ATP6V0D1: variants seen among roughly 807,000 people sequenced by gnomAD.
ATP6V0D1 encodes V-type proton ATPase subunit d 1.
A neutral mutation model predicts 39.0 loss-of-function variants in ATP6V0D1; 13 were observed. The ratio of observed to expected loss-of-function variants is 0.33; its 90% confidence interval spans 0.22 to 0.53. The LOEUF (loss-of-function observed/expected upper bound fraction) is 0.53, where lower values mean the gene tolerates loss of function less well. Ranked by LOEUF, ATP6V0D1 falls within the 20% of genes least tolerant of loss-of-function variation. The pLI, the probability that ATP6V0D1 is intolerant of heterozygous loss-of-function variation, is 0.94. For missense variants in ATP6V0D1, 272 were observed against 470.9 expected (o/e 0.58, Z 3.91); for synonymous variants, 191 against 191.2 (o/e 1.00, Z 0.01).
At chr16:67,476,471 C>G (rs1311180462) in intron 1 of ATP6V0D1, among the ~76,000 whole-genome samples, 1 of 152,122 alleles carries the variant, frequency 6.6e-6, no homozygotes, top group Non-Finnish European at 1.5e-5. Flanking sequence ...GTCAGTGAAA[C>G]AACTCTTTAT....
chr16:67,464,541 C>T (rs974133960), intron 1 of ATP6V0D1, among the ~76,000 whole-genome samples: 2 of 152,236 alleles, frequency 1.3e-5, no homozygotes, highest in Admixed American at 1.3e-4. Context: ...CTGAGGGCCA[C>T]TCAGGGGCTC....
At chr16:67,451,675 G>T (rs1317919454) in intron 2 of ATP6V0D1, among the ~76,000 whole-genome samples, 1 of 152,252 alleles carries the variant, frequency 6.6e-6, no homozygotes, top group Admixed American at 6.5e-5. Flanking sequence ...TGAGTGAGGG[G>T]AGGAGTGAGT....
intron 1 of ATP6V0D1, among the ~76,000 whole-genome samples, chr16:67,462,450 T>C (rs537649149): frequency 1.2e-4 from 18 of 152,334 alleles, no homozygotes; most frequent in Admixed American, 1.2e-3. Flanking sequence ...TGCCTGGGCA[T>C]GAGTAAGAGG....
At chr16:67,461,754 C>T (rs978464948) in intron 1 of ATP6V0D1, among the ~76,000 whole-genome samples, 1 of 152,176 alleles carries the variant, frequency 6.6e-6, no homozygotes, top group Admixed American at 6.5e-5. Flanking sequence ...AGAGATGGTC[C>T]AGCTGACACC....
At chr16:67,451,515 C>T (rs558836827) in intron 2 of ATP6V0D1, among the ~76,000 whole-genome samples, 1 of 152,210 alleles carries the variant, frequency 6.6e-6, no homozygotes, top group Non-Finnish European at 1.5e-5. Flanking sequence ...GGAGCAGTTC[C>T]AGGTGGTGAC....
At chr16:67,470,445 G>A (rs763546468) in intron 1 of ATP6V0D1, among the ~76,000 whole-genome samples, 4 of 152,168 alleles carry the variant, frequency 2.6e-5, no homozygotes, top group African/African-American at 4.8e-5. Context: ...TCTCTGCTCC[G>A]CTTGCCAAAC....
At chr16:67,460,579 C>G (rs904037164) in intron 1 of ATP6V0D1, among the ~76,000 whole-genome samples, 3 of 152,172 alleles carry the variant, frequency 2.0e-5, no homozygotes, top group Non-Finnish European at 4.4e-5. Flanking sequence ...CAGGGCCCTT[C>G]GCAGGCTCTC....
chr16:67,451,496 T>G (rs572986068), intron 2 of ATP6V0D1, among the ~76,000 whole-genome samples: 6 of 152,096 alleles, frequency 3.9e-5, no homozygotes, highest in East Asian at 1.9e-4. Context: ...ATTCAGCAAT[T>G]TCAGGGGTGG....
chr16:67,442,058 T>C (rs1355749646), intron 4 of ATP6V0D1, among the ~76,000 whole-genome samples: 1 of 152,272 alleles, frequency 6.6e-6, no homozygotes, highest in African/African-American at 2.4e-5. Flanking sequence ...GCAAACTGCC[T>C]GCCACTTGGC....
intron 2 of ATP6V0D1, among the ~76,000 whole-genome samples, chr16:67,448,517 G>A (rs557552674): frequency 5.3e-5 from 8 of 151,340 alleles, no homozygotes; most frequent in East Asian, 3.9e-4. Context: ...AAAATTAGTC[G>A]GGTGTGGTGG....
In ATP6V0D1 at chr16:67,444,448, C is replaced by A; in HGVS notation, c.481+80G>T. On this transcript the variant is annotated intron_variant, in intron 3 of 7. Coordinates refer to ENST00000290949, the MANE Select transcript of ATP6V0D1 (RefSeq NM_004691.5). The surrounding 1 kb of genome is among the most constrained non-coding windows in gnomAD (Gnocchi z 4.8). The stretch of plus-strand genomic sequence containing the variant: ...TCACTTTCTGGCTCAGGGTCGCCCC[C>A]CAGCGGGTCCACAAACCCCACCCTG... 3 of 1,472,738 alleles carry A rather than the reference C, an allele frequency of 2.0e-6. No individual in the cohort carries two copies. The highest frequency in any genetic ancestry group is 1.4e-5 in the African/African-American group (1 of 71,262). The allele number at this position is 1,472,738 out of a possible 1,614,324, so 91.2% of individuals were successfully genotyped here.
Position 67,453,528 on chromosome 16 carries a change from T to A in ATP6V0D1, c.302+16A>T, listed in dbSNP as rs780793948. On this transcript the variant is annotated intron_variant, in intron 2 of 7. Coordinates refer to ENST00000290949, the MANE Select transcript of ATP6V0D1 (RefSeq NM_004691.5). This position sits in a 1 kb window ranked among gnomAD's most constrained non-coding sequence, Gnocchi z 4.1. ...CTGCCCAGGTAAGAGAAGAAGGCGC[T>A]ACAAAGCACACTCACGTAATGAAGT... The A allele has an allele frequency of 6.2e-7, 1 of 1,613,668 alleles. No homozygotes were observed. Among genetic ancestry groups the A allele is most frequent in the Non-Finnish European group, 8.5e-7 (1 of 1,179,696 alleles).
intron 2 of ATP6V0D1, among the ~76,000 whole-genome samples, chr16:67,448,716 GCT>G (rs895958336): frequency 6.6e-6 from 1 of 151,252 alleles, no homozygotes; most frequent in Admixed American, 6.6e-5. Flanking sequence ...GAGATAGTGA[GCT>G]TTAACCTGCT....
chr16:67,472,247 G>A (rs973055944), intron 1 of ATP6V0D1, among the ~76,000 whole-genome samples: 4 of 152,116 alleles, frequency 2.6e-5, no homozygotes. Context: ...AGGGCAGTGG[G>A]GCCAACAAGA....
intron 1 of ATP6V0D1, among the ~76,000 whole-genome samples, chr16:67,465,198 G>T (rs890777316): frequency 3.9e-5 from 6 of 152,224 alleles, no homozygotes; most frequent in African/African-American, 7.2e-5. Context: ...TCCAAACTGG[G>T]GTACAGGGTA....
At chr16:67,446,060 C>A in intron 2 of ATP6V0D1, 1 of 420,600 alleles carries the variant, frequency 2.4e-6, no homozygotes, top group Non-Finnish European at 4.8e-6. Context: ...AGCTAGGCCC[C>A]TGCCCTGTGA....
At chr16:67,470,607 CG>C (rs2041365092) in intron 1 of ATP6V0D1, among the ~76,000 whole-genome samples, 1 of 152,238 alleles carries the variant, frequency 6.6e-6, no homozygotes, top group Non-Finnish European at 1.5e-5. Flanking sequence ...TGGCCTGGCG[CG>C]GGCCTAACTG....
intron 1 of ATP6V0D1, among the ~76,000 whole-genome samples, chr16:67,458,043 C>T (rs1004404277): frequency 6.6e-6 from 1 of 152,234 alleles, no homozygotes; most frequent in Non-Finnish European, 1.5e-5. Flanking sequence ...GGGGGACAGC[C>T]TGCCAGCCAA....
chr16:67,471,824 C>CG (rs757061004), intron 1 of ATP6V0D1, among the ~76,000 whole-genome samples: 7 of 150,886 alleles, frequency 4.6e-5, no homozygotes, highest in East Asian at 2.0e-4. Flanking sequence ...GAGATTGGGC[C>CG]GGGGGGTGGT....
Sources: allele counts gnomAD v4.1 joint callset (sites outside exome capture counted in the v4.1 genomes callset), GRCh38; gene constraint gnomAD v4.1.1; non-coding constraint Gnocchi (gnomAD v3.1); transcripts MANE v1.5; gene names NCBI Gene and HGNC (gene_info 2026-07-23, HGNC 2026-07-21).